CALCRL: variants seen among roughly 807,000 people sequenced by gnomAD.
CALCRL encodes the protein calcitonin receptor like receptor.
Under a neutral mutation model 60.4 loss-of-function variants are expected in CALCRL, and 27 were observed. The observed-to-expected ratio is 0.45, with a 90% CI of 0.33 to 0.62. The LOEUF is 0.62. Among genes scored for constraint, CALCRL ranks in the 20% least tolerant of loss-of-function variants. The probability of loss-of-function intolerance (pLI) is 0.03; values close to 1 mark genes in which losing one functional copy is unlikely to be tolerated. For missense variants in CALCRL, 424 were observed against 540.7 expected (o/e 0.78, Z 2.14); for synonymous variants, 190 against 182.6 (o/e 1.04, Z -0.33).
intron 1 of CALCRL, among the ~76,000 whole-genome samples, chr2:187,443,329 T>G (rs75657040): frequency 0.04 from 6,099 of 151,850 alleles, 182 homozygotes; most frequent in South Asian, 0.12. Context: ...ACATGAAAAT[T>G]TATTGAATAT....
At chr2:187,410,030 T>C (rs1171623952) in intron 1 of CALCRL, among the ~76,000 whole-genome samples, 1 of 152,194 alleles carries the variant, frequency 6.6e-6, no homozygotes, top group Non-Finnish European at 1.5e-5. Flanking sequence ...CTGGCAAACC[T>C]GTGTTTTCAG....
intron 1 of CALCRL, among the ~76,000 whole-genome samples, chr2:187,425,768 A>G (rs371641022): frequency 2.0e-5 from 3 of 152,020 alleles, no homozygotes; most frequent in East Asian, 1.9e-4. Flanking sequence ...CCTTGTGTAA[A>G]ATAATTTTGA....
intron 1 of CALCRL, among the ~76,000 whole-genome samples, chr2:187,399,435 G>A (rs139041829): frequency 0.013 from 2,007 of 151,462 alleles, 43 homozygotes; most frequent in African/African-American, 0.046. Context: ...TTGTCACCTC[G>A]GGTTAGGCAA....
chr2:187,412,083 G>T (rs902110702), intron 1 of CALCRL, among the ~76,000 whole-genome samples: 1 of 151,938 alleles, frequency 6.6e-6, no homozygotes, highest in Non-Finnish European at 1.5e-5. Context: ...GGAGGAACAG[G>T]GATCTGGGAC....
chr2:187,385,620 G>A lies in CALCRL; in HGVS notation c.-25C>T. On this transcript the variant is annotated 5_prime_UTR_variant, in exon 4 of 15. Coordinates refer to ENST00000392370, the MANE Select transcript of CALCRL (RefSeq NM_005795.6). The stretch of plus-strand genomic sequence containing the variant: ...TCATTAAGCCAAAATGAAATATGCT[G>A]TATAACATAAACTGCAACAGAAAAT... The A allele has an allele frequency of 6.6e-7, 1 of 1,516,636 alleles. No homozygotes were observed. Among genetic ancestry groups the A allele is most frequent in the Non-Finnish European group, 9.0e-7 (1 of 1,112,048 alleles). The allele number at this position is 1,516,636 out of a possible 1,614,324, so 93.9% of individuals were successfully genotyped here.
chr2:187,429,925 C>T (rs1207149040), intron 1 of CALCRL, among the ~76,000 whole-genome samples: 1 of 152,192 alleles, frequency 6.6e-6, no homozygotes, highest in Non-Finnish European at 1.5e-5. Context: ...TCTCAGTGTT[C>T]ACATGAAGAC....
At chr2:187,390,724 A>G (rs1688401902) in intron 1 of CALCRL, among the ~76,000 whole-genome samples, 1 of 152,150 alleles carries the variant, frequency 6.6e-6, no homozygotes, top group Non-Finnish European at 1.5e-5. Flanking sequence ...AATGATCTGA[A>G]AATTGTGCTA....
chr2:187,363,631 G>T, intron 8 of CALCRL, 129 bp from the exon 9 acceptor site: 1 of 951,344 alleles, frequency 1.1e-6, no homozygotes, highest in Non-Finnish European at 1.5e-6. Flanking sequence ...TTCTCCCTAA[G>T]ATCCACTCAT....
At chr2:187,439,120 A>G (rs1690777622) in intron 1 of CALCRL, among the ~76,000 whole-genome samples, 1 of 152,182 alleles carries the variant, frequency 6.6e-6, no homozygotes, top group Admixed American at 6.6e-5. Context: ...CATATATATT[A>G]GTGAAATGAA....
chr2:187,408,215 C>T (rs2105841283), intron 1 of CALCRL, among the ~76,000 whole-genome samples: 1 of 152,068 alleles, frequency 6.6e-6, no homozygotes, highest in East Asian at 1.9e-4. Context: ...TAATTTACTT[C>T]AGATATACGT....
chr2:187,394,134 C>T (rs1275069396), intron 1 of CALCRL, among the ~76,000 whole-genome samples: 1 of 151,984 alleles, frequency 6.6e-6, no homozygotes, highest in Non-Finnish European at 1.5e-5. Context: ...AAGATGAAAG[C>T]CTGAGAAAGA....
intron 1 of CALCRL, among the ~76,000 whole-genome samples, chr2:187,431,069 G>T (rs1046219460): frequency 6.6e-6 from 1 of 152,048 alleles, no homozygotes; most frequent in Non-Finnish European, 1.5e-5. Context: ...CCACTGCCAA[G>T]GTGCCAAGGA....
chr2:187,385,643 A>T lies in CALCRL; in HGVS notation c.-36-12T>A. The T allele has an allele frequency of 7.9e-7, 1 of 1,262,248 alleles. No individual in the cohort carries two copies. Among genetic ancestry groups the T allele is most frequent in the Non-Finnish European group, 1.1e-6 (1 of 896,216 alleles). The allele number at this position is 1,262,248 out of a possible 1,614,324, so 78.2% of individuals were successfully genotyped here. ...CTGTATAACATAAACTGCAACAGAA[A>T]ATAAAAGAAATATAATTCATCAATA... On this transcript the variant is annotated splice_polypyrimidine_tract_variant and intron_variant, in intron 3 of 14. Transcript: ENST00000392370.
At position 187,360,864 on chromosome 2, in the gene CALCRL, A is replaced by G. The variant is rs1174407938; in HGVS notation, c.628-113T>C. The stretch of plus-strand genomic sequence containing the variant: ...CATTCTCCCCTACACACAAAATCCT[A>G]TACATTAATGATTAGGATTTGTGGA... On this transcript the variant is annotated intron_variant, in intron 9 of 14. Coordinates refer to ENST00000392370, the MANE Select transcript of CALCRL (RefSeq NM_005795.6). 6 of 906,156 alleles carry G rather than the reference A, an allele frequency of 6.6e-6. No individual in the cohort carries two copies. The South Asian group carries it at 9.6e-5, about 14-fold the overall frequency. 56.1% of individuals were successfully genotyped at this position (906,156 alleles called of 1,614,324 possible). A position where few individuals can be genotyped will look rare whatever the true frequency, so the allele number is the denominator to read the frequency against.
chr2:187,428,436 T>G (rs935540593), intron 1 of CALCRL: 1 of 152,206 alleles, frequency 6.6e-6, no homozygotes, highest in South Asian at 2.1e-4. Flanking sequence ...CAAAAATGAA[T>G]CTTTTGAATC....
intron 8 of CALCRL, among the ~76,000 whole-genome samples, chr2:187,375,374 T>A (rs1483775441): frequency 1.3e-5 from 2 of 152,044 alleles, no homozygotes; most frequent in African/African-American, 4.8e-5. Flanking sequence ...TTCCTTTCAG[T>A]TCACTATATA....
chr2:187,409,150 G>T (rs1689254331), intron 1 of CALCRL, among the ~76,000 whole-genome samples: 2 of 152,136 alleles, frequency 1.3e-5, no homozygotes, highest in South Asian at 4.2e-4. Context: ...AAATAATGAT[G>T]GATAATAGCC....
chr2:187,358,533 T>C (rs934442617), intron 12 of CALCRL, among the ~76,000 whole-genome samples: 2 of 149,568 alleles, frequency 1.3e-5, no homozygotes, highest in Non-Finnish European at 3.0e-5. Flanking sequence ...CCCCCCCTGC[T>C]AGATTCATCC....
intron 1 of CALCRL, among the ~76,000 whole-genome samples, chr2:187,405,427 A>G (rs766773146): frequency 7.9e-5 from 12 of 152,032 alleles, no homozygotes; most frequent in Non-Finnish European, 1.6e-4. Context: ...CTGTATGCAT[A>G]ACACTCTGCT....
Sources: gnomAD v4.1 joint callset for allele counts (sites outside exome capture counted in the v4.1 genomes callset) on GRCh38, gnomAD v4.1.1 for gene constraint, MANE v1.5 for transcripts, NCBI Gene and HGNC (gene_info 2026-07-23, HGNC 2026-07-21) for gene names.